Variants in RXFP1 observed in about 807,000 individuals in gnomAD.
RXFP1 encodes the protein relaxin family peptide receptor 1, also known as relaxin receptor 1.
A neutral mutation model predicts 89.8 loss-of-function variants in RXFP1; 73 were observed. The ratio of observed to expected loss-of-function variants is 0.81; its 90% CI spans 0.67 to 0.99. RXFP1 has a LOEUF of 0.99. RXFP1 is among the 50% of genes least tolerant of loss of function. RXFP1 has a pLI of 0.00. For missense variants in RXFP1, 793 were observed against 895.5 expected (o/e 0.89, Z 1.46); for synonymous variants, 277 against 305.5 (o/e 0.91, Z 0.97).
intron 1 of RXFP1, among the ~76,000 whole-genome samples, chr4:158,569,754 A>G (rs1754636868): frequency 6.6e-6 from 1 of 152,240 alleles, no homozygotes; most frequent in Non-Finnish European, 1.5e-5. Flanking sequence ...ATCCCTAACC[A>G]GAGATACAAA....
intron 1 of RXFP1, among the ~76,000 whole-genome samples, chr4:158,548,333 C>T (rs186758526): frequency 9.3e-4 from 141 of 152,208 alleles, no homozygotes; most frequent in African/African-American, 3.4e-3. Flanking sequence ...TTATTGTGAG[C>T]CTATGTGTGT....
intron 2 of RXFP1, among the ~76,000 whole-genome samples, chr4:158,583,601 A>G (rs1350055878): frequency 1.3e-5 from 2 of 152,204 alleles, no homozygotes; most frequent in African/African-American, 4.8e-5. Context: ...TATTTTCAAA[A>G]TTTTCTGGTT....
chr4:158,564,244 T>A lies in RXFP1; in HGVS notation c.50-8454T>A, dbSNP rs530472071. Among the ~76,000 whole-genome samples, 16 of 152,270 alleles carry A rather than the reference T, an allele frequency of 1.1e-4. No individual in the cohort carries two copies. In the South Asian group the frequency reaches 2.5e-3, roughly 24 times the overall value. ...ATATTTTACCCCATATCCTGACAGT[T>A]CCACATGTAGAGATATTTTGGAAAA... On this transcript the variant is annotated intron_variant, in intron 1 of 17. Transcript: ENST00000307765.
chr4:158,611,973 G>A (rs1763666273), intron 6 of RXFP1, among the ~76,000 whole-genome samples, 157 bp from the exon 7 acceptor site: 1 of 152,166 alleles, frequency 6.6e-6, no homozygotes, highest in African/African-American at 2.4e-5. Context: ...GGTATGATAA[G>A]GTAAGTGGTA....
chr4:158,559,159 G>A (rs970301232), intron 1 of RXFP1, among the ~76,000 whole-genome samples: 14 of 152,010 alleles, frequency 9.2e-5, no homozygotes, highest in African/African-American at 3.4e-4. Flanking sequence ...ATAAAATTCT[G>A]GCTGGGCACA....
intron 4 of RXFP1, among the ~76,000 whole-genome samples, chr4:158,601,365 G>A (rs1350775318): frequency 6.6e-6 from 1 of 152,160 alleles, no homozygotes; most frequent in African/African-American, 2.4e-5. Flanking sequence ...AACTGAGGAA[G>A]ATGGGGACTC....
chr4:158,572,616 A>G, intron 1 of RXFP1, 82 bp from the exon 2 acceptor site: 1 of 1,235,594 alleles, frequency 8.1e-7, no homozygotes, highest in African/African-American at 1.5e-5. Context: ...AAATGATTAT[A>G]AAATATCAGG....
intron 16 of RXFP1, among the ~76,000 whole-genome samples, chr4:158,647,714 T>G (rs1580336846): frequency 1.3e-5 from 2 of 151,788 alleles, no homozygotes; most frequent in East Asian, 3.9e-4. Context: ...CAAAATTATT[T>G]TTAAAAAATT....
In RXFP1 at chr4:158,651,722, A is replaced by G. The variant is rs779169333; in HGVS notation, c.1976-35A>G. ...GGGTTTCTATACCTTGTAAACATCT[A>G]TAAACACTAAAACTATTTCATTTTT... On this transcript the variant is annotated intron_variant, in intron 17 of 17. Coordinates refer to ENST00000307765, the MANE Select transcript of RXFP1 (RefSeq NM_021634.4). The G allele has an allele frequency of 9.2e-6, 14 of 1,527,956 alleles. No individual in the cohort carries two copies. The East Asian group carries it at 1.8e-4, about 20-fold the overall frequency. 94.6% of individuals were successfully genotyped at this position (1,527,956 alleles called of 1,614,324 possible).
chr4:158,646,634 C>G (rs1360928975), intron 15 of RXFP1, 157 bp from the exon 16 acceptor site: 1 of 1,421,196 alleles, frequency 7.0e-7, no homozygotes, highest in African/African-American at 1.4e-5. Context: ...TGAATAGATC[C>G]TCATCTGTAA....
intron 2 of RXFP1, among the ~76,000 whole-genome samples, chr4:158,576,548 T>C (rs1266220510): frequency 6.6e-6 from 1 of 152,136 alleles, no homozygotes; most frequent in Non-Finnish European, 1.5e-5. Context: ...ACGCTAAGTT[T>C]TGAGAACCAT....
At chr4:158,592,934 A>T (rs1759795975) in intron 2 of RXFP1, among the ~76,000 whole-genome samples, 1 of 151,906 alleles carries the variant, frequency 6.6e-6, no homozygotes. Context: ...CTAAAAAAAA[A>T]AAAATTAACC....
intron 9 of RXFP1, among the ~76,000 whole-genome samples, chr4:158,625,554 T>C (rs1486151247): frequency 6.6e-6 from 1 of 152,130 alleles, no homozygotes; most frequent in African/African-American, 2.4e-5. Flanking sequence ...TTGTTTTTGT[T>C]TGTTATAAAT....
At chr4:158,630,369 A>G (rs4295218) in intron 11 of RXFP1, among the ~76,000 whole-genome samples, 13,568 of 152,254 alleles carry the variant, frequency 0.089, 1,922 homozygotes, top group African/African-American at 0.3. Flanking sequence ...AAAGTAGTCT[A>G]AATAGTAGGG....
intron 1 of RXFP1, chr4:158,543,695 C>T: frequency 1.1e-6 from 1 of 884,764 alleles, no homozygotes; most frequent in Non-Finnish European, 1.4e-6. Context: ...CTCAGTTTTT[C>T]TTCATTTATC....
chr4:158,538,615 A>T (rs1745839588), intron 1 of RXFP1, among the ~76,000 whole-genome samples: 1 of 152,152 alleles, frequency 6.6e-6, no homozygotes, highest in Admixed American at 6.5e-5. Flanking sequence ...AGAGTTCGAG[A>T]CCAGCCTGAC....
At chr4:158,616,515 A>G (rs962869108) in intron 8 of RXFP1, among the ~76,000 whole-genome samples, 1 of 147,990 alleles carries the variant, frequency 6.8e-6, no homozygotes, top group Non-Finnish European at 1.5e-5. Context: ...CCTTTAAATC[A>G]TCTCCTTTCC....
At chr4:158,605,012 T>C (rs1762316664) in intron 4 of RXFP1, 56 bp from the exon 5 acceptor site, 1 of 979,046 alleles carries the variant, frequency 1.0e-6, no homozygotes, top group South Asian at 1.5e-5. Flanking sequence ...CCTATTGTTG[T>C]AATTTAAAAG....
At position 158,593,433 on chromosome 4, in the gene RXFP1, A is replaced by C. The variant is rs781593722; in HGVS notation, c.220A>C (p.Lys74Gln). 6.2e-7 allele frequency: 1 copy of C among 1,612,116 alleles called. No homozygotes were observed. Among genetic ancestry groups the C allele is most frequent in the Non-Finnish European group, 8.5e-7 (1 of 1,178,994 alleles). ...DNNGWSLQFD[K>Q]YFASYYKMTS... Reference sequence around the variant, plus strand: ...CAATGGATGGTCTCTGCAATTTGACAAATATTTTGCCAGTTACTACAAAAT... The same window carrying C: ...CAATGGATGGTCTCTGCAATTTGACCAATATTTTGCCAGTTACTACAAAAT... The change falls in exon 3 of 18, where the codon AAA (lysine) becomes CAA (glutamine). Residue 74 changes from lysine (K) to glutamine (Q), a missense_variant. Physicochemically the swap from Lys to Gln is moderately conservative, Grantham distance 53. Coordinates refer to ENST00000307765, the MANE Select transcript of RXFP1 (RefSeq NM_021634.4).
Sources: gnomAD v4.1 joint callset for allele counts (sites outside exome capture counted in the v4.1 genomes callset) on GRCh38, gnomAD v4.1.1 for gene constraint, MANE v1.5 for transcripts, NCBI Gene and HGNC (gene_info 2026-07-23, HGNC 2026-07-21) for gene names.